The following CADM4 variants were observed in gnomAD, a reference collection of about 807,000 sequenced individuals.
CADM4 encodes cell adhesion molecule 4.
A neutral mutation model predicts 43.9 loss-of-function variants in CADM4; 13 were observed. That is an observed-to-expected ratio of 0.30 (90% confidence interval 0.19 to 0.47). The LOEUF (loss-of-function observed/expected upper bound fraction) is 0.47. CADM4 is among the 20% of genes least tolerant of loss of function. The probability of loss-of-function intolerance (pLI) is 1.00; values close to 1 mark genes in which losing one functional copy is unlikely to be tolerated. For synonymous variants in CADM4, 209 were observed against 220.9 expected (o/e 0.95, Z 0.48); for missense variants, 420 against 527.0 (o/e 0.80, Z 1.99).
At chr19:43,629,145 C>T (rs1973578952) in intron 1 of CADM4, among the ~76,000 whole-genome samples, 1 of 152,144 alleles carries the variant, frequency 6.6e-6, no homozygotes. Flanking sequence ...GGAAGAGAAA[C>T]ACCTCTTGCA....
chr19:43,631,094 G>A (rs796962101), intron 1 of CADM4, among the ~76,000 whole-genome samples: 155 of 152,252 alleles, frequency 1.0e-3, no homozygotes, highest in African/African-American at 3.6e-3. Flanking sequence ...TGTAATCCCA[G>A]CACTTTGGGA....
At chr19:43,630,845 T>C (rs558001243) in intron 1 of CADM4, among the ~76,000 whole-genome samples, 1 of 152,324 alleles carries the variant, frequency 6.6e-6, no homozygotes, top group Admixed American at 6.5e-5. Flanking sequence ...GAAGCAGGAA[T>C]ATGCCATGAT....
chr19:43,638,303 C>CCT (rs1973728550), intron 1 of CADM4, among the ~76,000 whole-genome samples: 1 of 152,228 alleles, frequency 6.6e-6, no homozygotes. Flanking sequence ...AGTTCAACAT[C>CCT]CTCACTTTAC....
intron 1 of CADM4, among the ~76,000 whole-genome samples, chr19:43,633,366 G>A (rs1006636926): frequency 1.1e-4 from 17 of 151,954 alleles, no homozygotes; most frequent in Non-Finnish European, 2.9e-5. Context: ...GAGCCACTGC[G>A]CCTGGCCCAG....
At chr19:43,635,636 CT>C (rs1410242975) in intron 1 of CADM4, among the ~76,000 whole-genome samples, 4 of 151,158 alleles carry the variant, frequency 2.6e-5, no homozygotes, top group African/African-American at 4.9e-5. Flanking sequence ...AGACCCCAGC[CT>C]CCTCCTCCCT....
At chr19:43,630,281 C>CTTTTTTTTTTTTTTTTTTT (rs59489315) in intron 1 of CADM4, among the ~76,000 whole-genome samples, 1 of 73,442 alleles carries the variant, frequency 1.4e-5, no homozygotes, top group Non-Finnish European at 2.4e-5. Flanking sequence ...TTTTTCTTTT[C>CTTTTTTTTTTTTTTTTTTT]TTTTTTTTTT....
chr19:43,628,972 AT>A (rs1466142360), intron 1 of CADM4, among the ~76,000 whole-genome samples: 1 of 152,234 alleles, frequency 6.6e-6, no homozygotes, highest in Non-Finnish European at 1.5e-5. Context: ...GAACCCCAGA[AT>A]CATGAACAAA....
chr19:43,636,580 G>A (rs779333333), intron 1 of CADM4, among the ~76,000 whole-genome samples: 27 of 152,196 alleles, frequency 1.8e-4, no homozygotes, highest in South Asian at 1.0e-3. Context: ...GGATGCTGGC[G>A]GGTCTGACTG....
chr19:43,626,252 C>T lies in CADM4; in HGVS notation c.536G>A (p.Ser179Asn). The T allele has an allele frequency of 6.2e-7, 1 of 1,612,952 alleles. No homozygotes were observed. Among genetic ancestry groups the T allele is most frequent in the Non-Finnish European group, 8.5e-7 (1 of 1,180,020 alleles). The part of the protein sequence containing the change: ...SSSQENGKVW[S>N]VASTVRFRVD... Reference sequence around the variant, plus strand: ...ACGAAACCGTACTGTGCTTGCCACGCTCCAGACCTTGCCATTTTCCTGGCT... The same window carrying T: ...ACGAAACCGTACTGTGCTTGCCACGTTCCAGACCTTGCCATTTTCCTGGCT... Residue 179 changes from serine (S) to asparagine (N), a missense_variant, in exon 5 of 9, where the codon AGC becomes AAC. By Grantham distance (46) the Ser-to-Asn change is conservative (BLOSUM62 1). Coordinates refer to ENST00000222374, the MANE Select transcript of CADM4 (RefSeq NM_145296.2). The surrounding 1 kb of genome is among the most constrained non-coding windows in gnomAD (Gnocchi z 5.9).
chr19:43,636,129 A>C (rs1973700983), intron 1 of CADM4, among the ~76,000 whole-genome samples: 1 of 152,008 alleles, frequency 6.6e-6, no homozygotes, highest in Admixed American at 6.5e-5. Flanking sequence ...CTAGAAGCAC[A>C]GTCCTGCCTT....
At chr19:43,635,006 G>A (rs527389587) in intron 1 of CADM4, among the ~76,000 whole-genome samples, 1 of 151,800 alleles carries the variant, frequency 6.6e-6, no homozygotes. Context: ...TTCAAACCTA[G>A]GAGTCAGAGC....
chr19:43,624,979 G>T, intron 7 of CADM4, 99 bp downstream of exon 7: 1 of 1,288,412 alleles, frequency 7.8e-7, no homozygotes, highest in Non-Finnish European at 1.1e-6. Flanking sequence ...AACTCTGTTG[G>T]CTGCCGAACC....
intron 1 of CADM4, among the ~76,000 whole-genome samples, chr19:43,628,300 T>A (rs1191383603): frequency 6.7e-6 from 1 of 148,978 alleles, no homozygotes; most frequent in African/African-American, 2.5e-5. Flanking sequence ...CTGGGTGTGG[T>A]GGTGCGCACC....
At position 43,625,030 on chromosome 19, in the gene CADM4, C is replaced by A; in HGVS notation, c.928+48G>T. The A allele has an allele frequency of 8.1e-7, 1 of 1,238,552 alleles. No homozygotes were observed. The highest frequency in any genetic ancestry group is 1.6e-5 in the South Asian group (1 of 62,890). 76.7% of individuals were successfully genotyped at this position (1,238,552 alleles called of 1,614,324 possible). A position where few individuals can be genotyped will look rare whatever the true frequency, so the allele number is the denominator to read the frequency against. ...CTCTTTGCTCAAGCCCCGCCCCCGCCACCTGGCGCCCCGCCCCCGCCCTCA... is the reference window on the plus strand; with the variant it reads ...CTCTTTGCTCAAGCCCCGCCCCCGCAACCTGGCGCCCCGCCCCCGCCCTCA... On this transcript the variant is annotated intron_variant, in intron 7 of 8. Transcript: ENST00000222374. This position sits in a 1 kb window ranked among gnomAD's most constrained non-coding sequence, Gnocchi z 4.5.
At chr19:43,632,871 G>A (rs1158690319) in intron 1 of CADM4, among the ~76,000 whole-genome samples, 1 of 151,982 alleles carries the variant, frequency 6.6e-6, no homozygotes, top group Non-Finnish European at 1.5e-5. Context: ...GATCACCTCA[G>A]GTCAGGAGTT....
upstream of CADM4, among the ~76,000 whole-genome samples, chr19:43,641,559 C>G (rs954206011): frequency 6.6e-6 from 1 of 152,110 alleles, no homozygotes; most frequent in Non-Finnish European, 1.5e-5. Context: ...GACCATGGCT[C>G]CCAGCATCCT....
At chr19:43,636,880 G>A (rs1973712194) in intron 1 of CADM4, among the ~76,000 whole-genome samples, 1 of 152,036 alleles carries the variant, frequency 6.6e-6, no homozygotes, top group South Asian at 2.1e-4. Context: ...AAGAGTGGCT[G>A]GTCAGAATTT....
upstream of CADM4, among the ~76,000 whole-genome samples, chr19:43,640,743 A>G (rs1252493217): frequency 6.6e-6 from 1 of 150,776 alleles, no homozygotes; most frequent in African/African-American, 2.4e-5. Flanking sequence ...CTCTCTCCCC[A>G]TCTTTGAGGG....
In CADM4 at chr19:43,625,315, C is replaced by G. The variant is rs1287395852; in HGVS notation, c.756-65G>C. ...GTGCCAGCACCCAATTCTGACTTGT[C>G]AAGAATCTAGACATGCAACTCTCAT... On this transcript the variant is annotated intron_variant, in intron 6 of 8. Transcript: ENST00000222374. The surrounding 1 kb of genome is among the most constrained non-coding windows in gnomAD (Gnocchi z 4.5). 6.6e-7 allele frequency: 1 copy of G among 1,506,186 alleles called. No individual in the cohort carries two copies. 93.3% of individuals were successfully genotyped at this position (1,506,186 alleles called of 1,614,324 possible).
Sources: allele counts gnomAD v4.1 joint callset (sites outside exome capture counted in the v4.1 genomes callset), GRCh38; gene constraint gnomAD v4.1.1; non-coding constraint Gnocchi (gnomAD v3.1); transcripts MANE v1.5; gene names NCBI Gene and HGNC (gene_info 2026-07-23, HGNC 2026-07-21).